SIRT6: variants seen among roughly 807,000 people sequenced by gnomAD.
The protein encoded by SIRT6 is sirtuin 6.
A neutral mutation model predicts 33.6 loss-of-function variants in SIRT6; 21 were observed. That is an observed-to-expected ratio of 0.62 (90% CI 0.44 to 0.90). The LOEUF is 0.90. SIRT6 is among the 40% of genes least tolerant of loss of function. The pLI, the probability that SIRT6 is intolerant of heterozygous loss-of-function variation, is 0.00. For missense variants in SIRT6, 504 were observed against 510.6 expected, an observed-to-expected ratio of 0.99 and a Z score of 0.12; for synonymous variants, 221 against 223.9, an observed-to-expected ratio of 0.99 and a Z score of 0.12.
chr19:4,180,721 G>T (rs1218323705), intron 2 of SIRT6, 61 bp downstream of exon 2: 2 of 1,551,680 alleles, frequency 1.3e-6, no homozygotes, highest in African/African-American at 1.4e-5. Flanking sequence ...TGTGTGGCTC[G>T]CAGGGAAGCC....
intron 2 of SIRT6, 24 bp from the exon 3 acceptor site, chr19:4,179,310 A>G (rs1240180279): frequency 6.4e-7 from 1 of 1,569,080 alleles, no homozygotes; most frequent in Admixed American, 1.9e-5. Context: ...GCCGGGAGAG[A>G]TGGACGGGGA....
At chr19:4,180,093 C>CA in intron 2 of SIRT6, among the ~76,000 whole-genome samples, 1 of 45,902 alleles carries the variant, frequency 2.2e-5, no homozygotes, top group Non-Finnish European at 3.8e-5. Context: ...CACGCCTTGG[C>CA]TTTTTTTTTT....
At chr19:4,182,285 C>G (rs1399133590) in intron 1 of SIRT6, 189 bp downstream of exon 1, 1 of 586,294 alleles carries the variant, frequency 1.7e-6, no homozygotes, top group Non-Finnish European at 3.0e-6. Flanking sequence ...ACAGGGTGAC[C>G]ACAGAGTTGG....
intron 2 of SIRT6, chr19:4,179,492 CAG>C (rs1285042041): frequency 5.1e-6 from 3 of 590,388 alleles, no homozygotes; most frequent in Non-Finnish European, 8.9e-6. Flanking sequence ...AAGACACAGA[CAG>C]AGAGATAAAG....
At chr19:4,177,857 C>A (rs112970274) in intron 3 of SIRT6, among the ~76,000 whole-genome samples, 1 of 150,916 alleles carries the variant, frequency 6.6e-6, no homozygotes, top group Non-Finnish European at 1.5e-5. Flanking sequence ...CCCAAAGTGC[C>A]GGGATTACAG....
chr19:4,176,062 A>G, intron 4 of SIRT6, 125 bp from the exon 5 acceptor site: 1 of 726,784 alleles, frequency 1.4e-6, no homozygotes, highest in East Asian at 2.7e-5. Flanking sequence ...ACTAGCACCC[A>G]GCGACACGGA....
intron 1 of SIRT6, among the ~76,000 whole-genome samples, chr19:4,181,935 G>C (rs1967702112): frequency 6.6e-6 from 1 of 152,126 alleles, no homozygotes; most frequent in Non-Finnish European, 1.5e-5. Context: ...TCTTCACCTC[G>C]TTTGCAGAAA....
chr19:4,175,155 G>C lies in SIRT6; in HGVS notation c.615-4C>G. The C allele has an allele frequency of 6.3e-7, 1 of 1,598,970 alleles. No homozygotes were observed. Among genetic ancestry groups the C allele is most frequent in the South Asian group, 1.1e-5 (1 of 89,718 alleles). ...CGTGATGGACAGGTCGGCGTTCCTGGGGCCGGGGAGCGTGGGCTGAGCCTG... is the reference window on the plus strand; with the variant it reads ...CGTGATGGACAGGTCGGCGTTCCTGCGGCCGGGGAGCGTGGGCTGAGCCTG... On this transcript the variant is annotated splice_polypyrimidine_tract_variant and splice_region_variant and intron_variant, in intron 6 of 7. Transcript: ENST00000337491.
rs772584628 is a variant in SIRT6 at position 4,174,430 on chromosome 19, C to T, written c.*187G>A. On this transcript the variant is annotated 3_prime_UTR_variant, in exon 8 of 8. Coordinates refer to ENST00000337491, the MANE Select transcript of SIRT6 (RefSeq NM_016539.4). This position sits in a 1 kb window ranked among gnomAD's most constrained non-coding sequence, Gnocchi z 4.2. ...TCACCTCTGGGGTGTGGCTTCTTCC[C>T]GGAACCGCACCAGAGGCCCCTGGAG... The T allele has an allele frequency of 2.0e-5, 10 of 490,842 alleles. No homozygotes were observed. Among genetic ancestry groups the T allele is most frequent in the South Asian group, 1.5e-4 (3 of 19,868 alleles). 30.4% of individuals were successfully genotyped at this position (490,842 alleles called of 1,614,324 possible).
At chr19:4,176,035 G>A in intron 4 of SIRT6, 98 bp from the exon 5 acceptor site, 1 of 1,043,172 alleles carries the variant, frequency 9.6e-7, no homozygotes, top group Admixed American at 2.1e-5. Flanking sequence ...GAGGTGGGGG[G>A]TGGACAGGTG....
At chr19:4,182,144 G>GC (rs1967723815) in intron 1 of SIRT6, 1 of 309,150 alleles carries the variant, frequency 3.2e-6, no homozygotes, top group African/African-American at 2.2e-5. Flanking sequence ...TGGCATTTGA[G>GC]CCCCGTCCTG....
rs558969933 is a variant in SIRT6, at chr19:4,175,144, C to T, written c.622G>A (p.Asp208Asn). The change falls in exon 7 of 8, where the codon GAC becomes AAC. Residue 208 changes from aspartate (D) to asparagine (N), a missense_variant. Physicochemically the swap from Asp to Asn is conservative, Grantham distance 23 (BLOSUM62 1). Transcript: ENST00000337491. ...ALADEASRNA[D>N]LSITLGTSLQ... ...GATGTACCCAGCGTGATGGACAGGT[C>T]GGCGTTCCTGGGGCCGGGGAGCGTG... 11 of 1,601,312 alleles carry T rather than the reference C, an allele frequency of 6.9e-6. No individual in the cohort carries two copies. Among genetic ancestry groups the T allele is most frequent in the South Asian group, 5.6e-5 (5 of 89,688 alleles).
In SIRT6 at chr19:4,174,760, C is replaced by T. The variant is rs1438689592; in HGVS notation, c.925G>A (p.Gly309Ser). 9.2e-6 allele frequency: 12 copies of T among 1,306,404 alleles called. No homozygotes were observed. Among genetic ancestry groups the T allele is most frequent in the Middle Eastern group, 2.9e-4 (1 of 3,486 alleles). 80.9% of individuals were successfully genotyped at this position (1,306,404 alleles called of 1,614,324 possible). The part of the protein sequence containing the change: ...PKEESPTRIN[G>S]SIPAGPKQEP... ...TGCTTGGGGCCGGCGGGGATAGAGC[C>T]GTTGATCCGGGTGGGAGATTCCTCC... The change falls in exon 8 of 8, where the codon GGC becomes AGC. Residue 309 changes from glycine to serine, a missense_variant. Transcript: ENST00000337491. The surrounding 1 kb of genome is among the most constrained non-coding windows in gnomAD (Gnocchi z 4.2).
intron 1 of SIRT6, chr19:4,182,265 A>G: frequency 1.9e-6 from 1 of 531,148 alleles, no homozygotes; most frequent in Non-Finnish European, 3.3e-6. Flanking sequence ...TCTCTCCCCG[A>G]TCAGCCCCGA....
Sources: gnomAD v4.1 joint callset for allele counts (sites outside exome capture counted in the v4.1 genomes callset) on GRCh38, gnomAD v4.1.1 for gene constraint, Gnocchi (gnomAD v3.1) non-coding constraint, MANE v1.5 for transcripts, NCBI Gene and HGNC (gene_info 2026-07-23, HGNC 2026-07-21) for gene names.